TRIP4: variants seen among roughly 807,000 people sequenced by gnomAD.
TRIP4 encodes thyroid hormone receptor interactor 4.
TRIP4 carries 54 observed loss-of-function variants against 81.8 expected under a neutral mutation model. The ratio of observed to expected loss-of-function variants is 0.66; its 90% CI spans 0.53 to 0.83. The LOEUF (loss-of-function observed/expected upper bound fraction) is 0.83, where lower values mean the gene tolerates loss of function less well. TRIP4 is among the 40% of genes least tolerant of loss of function. The pLI is 0.00. For missense variants in TRIP4, 662 were observed against 683.6 expected, an observed-to-expected ratio of 0.97 and a Z score of 0.35; for synonymous variants, 270 against 242.8, an observed-to-expected ratio of 1.11 and a Z score of -1.04.
chr15:64,434,522 A>G (rs903170239), intron 11 of TRIP4, among the ~76,000 whole-genome samples: 9 of 151,734 alleles, frequency 5.9e-5, no homozygotes, highest in Non-Finnish European at 1.5e-5. Context: ...GAGTGTTTTG[A>G]AGTTTTTTTG....
chr15:64,417,261 C>G (rs987937245), intron 8 of TRIP4, among the ~76,000 whole-genome samples: 1 of 152,136 alleles, frequency 6.6e-6, no homozygotes, highest in African/African-American at 2.4e-5. Flanking sequence ...ATCCTCCTGC[C>G]TTGGCCTCCT....
At chr15:64,403,527 G>A (rs1318690398) in intron 5 of TRIP4, among the ~76,000 whole-genome samples, 1 of 152,160 alleles carries the variant, frequency 6.6e-6, no homozygotes, top group African/African-American at 2.4e-5. Flanking sequence ...ATTTCATTTT[G>A]TTCCTACCTT....
chr15:64,419,570 G>C (rs1025336948), intron 9 of TRIP4, among the ~76,000 whole-genome samples: 10 of 151,788 alleles, frequency 6.6e-5, no homozygotes, highest in African/African-American at 2.4e-4. Context: ...TTGTTAGCCA[G>C]GCTGGTCTCG....
At chr15:64,428,194 C>G (rs1892191311) in intron 11 of TRIP4, among the ~76,000 whole-genome samples, 1 of 152,136 alleles carries the variant, frequency 6.6e-6, no homozygotes, top group Non-Finnish European at 1.5e-5. Flanking sequence ...AGCAAACTAC[C>G]ACCTGATACA....
At chr15:64,439,892 G>A (rs1010780623) in intron 11 of TRIP4, among the ~76,000 whole-genome samples, 2 of 151,986 alleles carry the variant, frequency 1.3e-5, no homozygotes, top group Admixed American at 6.6e-5. Context: ...GTTGTGAAGA[G>A]TGACATAGTT....
chr15:64,423,025 G>A (rs911368480), intron 9 of TRIP4, among the ~76,000 whole-genome samples: 8 of 152,134 alleles, frequency 5.3e-5, no homozygotes, highest in African/African-American at 1.7e-4. Flanking sequence ...TTAATTTGGT[G>A]GGAGGGGAAA....
intron 9 of TRIP4, among the ~76,000 whole-genome samples, chr15:64,420,672 C>T (rs908410859): frequency 6.6e-6 from 1 of 151,862 alleles, no homozygotes; most frequent in Non-Finnish European, 1.5e-5. Flanking sequence ...TACGGGCGCC[C>T]GCCACCATGC....
Sources: allele counts gnomAD v4.1 joint callset (sites outside exome capture counted in the v4.1 genomes callset), GRCh38; gene constraint gnomAD v4.1.1; transcripts MANE v1.5; gene names NCBI Gene and HGNC (gene_info 2026-07-23, HGNC 2026-07-21).